Variants in PCBP3 observed in about 807,000 individuals in gnomAD.
PCBP3 encodes the protein poly(rC) binding protein 3.
A neutral mutation model predicts 52.7 loss-of-function variants in PCBP3; 25 were observed. The ratio of observed to expected loss-of-function variants is 0.47; its 90% CI spans 0.35 to 0.66. The LOEUF is 0.66. PCBP3 is among the 30% of genes least tolerant of loss of function. The pLI, the probability that PCBP3 is intolerant of heterozygous loss-of-function variation, is 0.01. For synonymous variants in PCBP3, 162 were observed against 183.0 expected (o/e 0.89, Z 0.93); for missense variants, 391 against 490.3 (o/e 0.80, Z 1.91).
intron 15 of PCBP3, among the ~76,000 whole-genome samples, chr21:45,931,601 G>T (rs572864151): frequency 1.4e-5 from 2 of 145,492 alleles, no homozygotes; most frequent in East Asian, 4.2e-4. Context: ...CTGGAATGTC[G>T]TCATCTTCAT....
intron 4 of PCBP3, among the ~76,000 whole-genome samples, chr21:45,768,457 A>G (rs1352915889): frequency 6.6e-6 from 1 of 152,206 alleles, no homozygotes; most frequent in Non-Finnish European, 1.5e-5. Flanking sequence ...GGGCACCGTC[A>G]TGGTGTCTTA....
At chr21:45,935,573 G>A (rs991534823) in intron 16 of PCBP3, 10 of 571,556 alleles carry the variant, frequency 1.7e-5, no homozygotes, top group Non-Finnish European at 3.3e-5. Flanking sequence ...TCAGATGAGA[G>A]TTGGGCTGAG....
intron 4 of PCBP3, among the ~76,000 whole-genome samples, chr21:45,779,650 G>A (rs1359745648): frequency 6.6e-6 from 1 of 152,148 alleles, no homozygotes; most frequent in Non-Finnish European, 1.5e-5. Context: ...TTGGACAAGA[G>A]ATGTTCAACA....
intron 5 of PCBP3, among the ~76,000 whole-genome samples, chr21:45,894,837 C>T (rs896394146): frequency 6.6e-6 from 1 of 152,204 alleles, no homozygotes; most frequent in Non-Finnish European, 1.5e-5. Flanking sequence ...ACGTGAAGTC[C>T]TCCTTAAATG....
chr21:45,777,209 G>GT (rs929869950), intron 4 of PCBP3, among the ~76,000 whole-genome samples: 2 of 151,718 alleles, frequency 1.3e-5, no homozygotes, highest in African/African-American at 4.8e-5. Flanking sequence ...TTTGTTTTTT[G>GT]TTTTTTTCCC....
chr21:45,748,208 A>G (rs1454340387), intron 3 of PCBP3: 2 of 152,586 alleles, frequency 1.3e-5, no homozygotes, highest in African/African-American at 4.8e-5. Flanking sequence ...GATGCAGTCT[A>G]TCTACTCTTG....
intron 4 of PCBP3, among the ~76,000 whole-genome samples, chr21:45,765,771 T>C (rs1002009909): frequency 2.0e-5 from 3 of 152,162 alleles, no homozygotes; most frequent in African/African-American, 7.2e-5. Context: ...TTCTCTGGAG[T>C]AACTGTGGAT....
At chr21:45,816,212 T>C (rs1328239669) in intron 4 of PCBP3, among the ~76,000 whole-genome samples, 1 of 151,966 alleles carries the variant, frequency 6.6e-6, no homozygotes, top group Non-Finnish European at 1.5e-5. Context: ...TACTGTACAC[T>C]TGGGATATGC....
intron 5 of PCBP3, among the ~76,000 whole-genome samples, chr21:45,889,141 CT>C (rs1245130075): frequency 1.3e-5 from 2 of 152,200 alleles, no homozygotes; most frequent in Non-Finnish European, 2.9e-5. Flanking sequence ...TCTGTTTCGT[CT>C]GTGGAGACAA....
intron 2 of PCBP3, among the ~76,000 whole-genome samples, chr21:45,733,924 A>C (rs1265298293): frequency 6.6e-6 from 1 of 152,124 alleles, no homozygotes; most frequent in Non-Finnish European, 1.5e-5. Context: ...ATAATTTCTG[A>C]GTTTGTATCT....
intron 4 of PCBP3, among the ~76,000 whole-genome samples, chr21:45,775,141 G>A (rs1413033353): frequency 2.0e-5 from 3 of 152,096 alleles, no homozygotes; most frequent in African/African-American, 7.2e-5. Flanking sequence ...ACCTGGACCT[G>A]GACTTTTCTG....
At chr21:45,648,116 T>C (rs182270262) in intron 1 of PCBP3, among the ~76,000 whole-genome samples, 144 of 152,336 alleles carry the variant, frequency 9.5e-4, no homozygotes, top group African/African-American at 3.4e-3. Flanking sequence ...GGGAAAGGAA[T>C]GCAGTCCTTG....
intron 4 of PCBP3, among the ~76,000 whole-genome samples, chr21:45,797,341 A>C (rs1190121529): frequency 7.5e-6 from 1 of 134,226 alleles, no homozygotes; most frequent in Non-Finnish European, 1.6e-5. Context: ...GAGTGAATGC[A>C]TGGATGGACA....
intron 4 of PCBP3, among the ~76,000 whole-genome samples, chr21:45,757,402 T>A (rs1028168536): frequency 3.9e-5 from 6 of 152,346 alleles, no homozygotes; most frequent in East Asian, 1.9e-4. Flanking sequence ...GTAGGTTTTT[T>A]AAATATATAT....
intron 13 of PCBP3, among the ~76,000 whole-genome samples, chr21:45,927,717 T>C (rs996868917): frequency 1.3e-5 from 2 of 152,014 alleles, no homozygotes; most frequent in Non-Finnish European, 2.9e-5. Context: ...CCAAAACGTA[T>C]CAGGAGACAT....
intron 2 of PCBP3, among the ~76,000 whole-genome samples, chr21:45,669,293 A>G (rs747725126): frequency 7.9e-5 from 12 of 152,040 alleles, no homozygotes; most frequent in Non-Finnish European, 1.5e-4. Context: ...GCAGCACTCA[A>G]TCTGCTTTAA....
At chr21:45,674,363 A>G (rs2147353579) in intron 2 of PCBP3, among the ~76,000 whole-genome samples, 1 of 152,294 alleles carries the variant, frequency 6.6e-6, no homozygotes, top group South Asian at 2.1e-4. Flanking sequence ...TCGTTCCGAG[A>G]TATAAACTCT....
chr21:45,933,887 T>A (rs1206526680), intron 15 of PCBP3, among the ~76,000 whole-genome samples: 1 of 150,264 alleles, frequency 6.7e-6, no homozygotes, highest in African/African-American at 2.5e-5. Context: ...CCAGGGAGGG[T>A]GTGGCTGGCA....
intron 2 of PCBP3, among the ~76,000 whole-genome samples, chr21:45,680,334 A>T (rs1603248116): frequency 6.6e-6 from 1 of 152,194 alleles, no homozygotes; most frequent in East Asian, 1.9e-4. Flanking sequence ...ACTATGCTGA[A>T]TGTTCTTATC....
Sources: allele counts gnomAD v4.1 joint callset (sites outside exome capture counted in the v4.1 genomes callset), GRCh38; gene constraint gnomAD v4.1.1; transcripts MANE v1.5; gene names NCBI Gene and HGNC (gene_info 2026-07-23, HGNC 2026-07-21).